Variants in KLHL3 observed in about 807,000 individuals in gnomAD.
KLHL3 encodes the protein kelch-like protein 3.
In KLHL3, 19 loss-of-function variants were observed where a neutral mutation model predicts 70.5. That is an observed-to-expected ratio of 0.27 (90% CI 0.19 to 0.40). The LOEUF is 0.40. Ranked by LOEUF, KLHL3 falls within the 10% of genes least tolerant of loss-of-function variation. The pLI is 1.00. For missense variants in KLHL3, 512 were observed against 771.1 expected (o/e 0.66, Z 3.98); for synonymous variants, 258 against 290.3 (o/e 0.89, Z 1.13).
At position 137,625,755 on chromosome 5, in the gene KLHL3, G is replaced by A; in HGVS notation, c.1733C>T (p.Ala578Val). The change falls in exon 14 of 15, where the codon GCA becomes GTA. Residue 578 changes from alanine to valine, a missense_variant and splice_region_variant. Coordinates refer to ENST00000309755, the MANE Select transcript of KLHL3 (RefSeq NM_017415.3). ...PTNMSTGRSY[A>V]GVAVIHKSL is the part of the protein sequence containing the mutation. Reference sequence around the variant, plus strand: ...GCATGGAGATGGCACACACTGACCTGCATAGCTCCGCCCCGTGCTCATGTT... The same window carrying A: ...GCATGGAGATGGCACACACTGACCTACATAGCTCCGCCCCGTGCTCATGTT... 6.2e-7 allele frequency: 1 copy of A among 1,614,134 alleles called. No homozygotes were observed. The highest frequency in any genetic ancestry group is 8.5e-7 in the Non-Finnish European group (1 of 1,180,010).
At chr5:137,632,079 C>A (rs1458304399) in intron 12 of KLHL3, among the ~76,000 whole-genome samples, 1 of 152,148 alleles carries the variant, frequency 6.6e-6, no homozygotes, top group African/African-American at 2.4e-5. Context: ...TGACCATATT[C>A]CCTGAAGGAA....
chr5:137,632,850 T>C (rs1469128470), intron 12 of KLHL3, among the ~76,000 whole-genome samples: 2 of 152,096 alleles, frequency 1.3e-5, no homozygotes, highest in Non-Finnish European at 2.9e-5. Flanking sequence ...GCAAAGGATA[T>C]ACATACAGAC....
At chr5:137,665,868 G>T (rs1426626948) in intron 6 of KLHL3, among the ~76,000 whole-genome samples, 1 of 152,110 alleles carries the variant, frequency 6.6e-6, no homozygotes, top group East Asian at 1.9e-4. Flanking sequence ...AGGGGAAAGG[G>T]GAAGGGAAAG....
intron 4 of KLHL3, among the ~76,000 whole-genome samples, chr5:137,694,683 A>C (rs1395385509): frequency 6.6e-6 from 1 of 152,224 alleles, no homozygotes; most frequent in Non-Finnish European, 1.5e-5. Context: ...ACTGGTGTCA[A>C]GGCCATAGGT....
In KLHL3 at chr5:137,617,650, T is replaced by C. The variant is rs1428833154; in HGVS notation, c.*4448A>G. ...GTTCTTTTACAAGATATACAGTCCC[T>C]AACAGCCACGCAGAGAACACCAGAT... On this transcript the variant is annotated 3_prime_UTR_variant, in exon 15 of 15. Coordinates refer to ENST00000309755, the MANE Select transcript of KLHL3 (RefSeq NM_017415.3). 6.6e-6 allele frequency: 1 copy of C among 152,202 alleles called. No homozygotes were observed. The highest frequency in any genetic ancestry group is 1.5e-5 in the Non-Finnish European group (1 of 68,048). The allele number at this position is 152,202 out of a possible 1,614,324, so 9.4% of individuals were successfully genotyped here. A position where few individuals can be genotyped will look rare whatever the true frequency, so the allele number is the denominator to read the frequency against.
chr5:137,687,342 C>T (rs1319177014), intron 5 of KLHL3, among the ~76,000 whole-genome samples: 11 of 34,994 alleles, frequency 3.1e-4, no homozygotes, highest in Admixed American at 1.0e-3. Flanking sequence ...TGAGGGGCGC[C>T]TCTGCCCAGC....
intron 3 of KLHL3, among the ~76,000 whole-genome samples, chr5:137,699,986 G>A (rs1198738860): frequency 2.6e-5 from 4 of 152,170 alleles, no homozygotes; most frequent in Admixed American, 6.5e-5. Flanking sequence ...GAAAAGTAGC[G>A]GGGGAGACAT....
intron 1 of KLHL3, among the ~76,000 whole-genome samples, chr5:137,733,798 A>G (rs1203473178): frequency 1.3e-5 from 2 of 152,230 alleles, no homozygotes; most frequent in Non-Finnish European, 2.9e-5. Flanking sequence ...CAGAATTCTC[A>G]GTAGGTATAT....
At chr5:137,629,298 G>A (rs1007313169) in intron 12 of KLHL3, 3 of 152,270 alleles carry the variant, frequency 2.0e-5, no homozygotes, top group African/African-American at 7.2e-5. Flanking sequence ...CTCACTGGGT[G>A]ACCCTTCCCC....
chr5:137,644,545 T>C (rs921683555), intron 8 of KLHL3, among the ~76,000 whole-genome samples: 2 of 152,226 alleles, frequency 1.3e-5, no homozygotes, highest in African/African-American at 2.4e-5. Context: ...CAGTATGGGA[T>C]TGCAGGGTCA....
chr5:137,653,821 T>C (rs1751269126), intron 8 of KLHL3, among the ~76,000 whole-genome samples: 1 of 152,236 alleles, frequency 6.6e-6, no homozygotes, highest in African/African-American at 2.4e-5. Flanking sequence ...GCAGCTTTAT[T>C]TGTAACAGCC....
intron 13 of KLHL3, among the ~76,000 whole-genome samples, chr5:137,627,195 G>A (rs1407377112): frequency 6.6e-6 from 1 of 152,132 alleles, no homozygotes; most frequent in Non-Finnish European, 1.5e-5. Flanking sequence ...ATATAAATAA[G>A]TTTAGTGTTG....
At chr5:137,646,156 T>C (rs926448028) in intron 8 of KLHL3, among the ~76,000 whole-genome samples, 7 of 152,124 alleles carry the variant, frequency 4.6e-5, no homozygotes, top group Non-Finnish European at 5.9e-5. Flanking sequence ...AAAAAAGATA[T>C]ATGAATGACC....
chr5:137,636,831 C>A (rs886414003), intron 11 of KLHL3, among the ~76,000 whole-genome samples: 2 of 152,208 alleles, frequency 1.3e-5, no homozygotes, highest in African/African-American at 4.8e-5. Flanking sequence ...GCCTGCCCTG[C>A]AGAGAGTCAT....
intron 6 of KLHL3, among the ~76,000 whole-genome samples, chr5:137,672,425 T>C (rs1010712959): frequency 3.3e-5 from 5 of 152,230 alleles, no homozygotes; most frequent in African/African-American, 1.2e-4. Context: ...GTCTCTAAAA[T>C]GCAGTTTAAG....
intron 4 of KLHL3, among the ~76,000 whole-genome samples, chr5:137,695,033 G>A (rs891271288): frequency 1.3e-5 from 2 of 151,978 alleles, no homozygotes; most frequent in African/African-American, 2.4e-5. Context: ...AACCCCATAC[G>A]CATATACAAG....
chr5:137,645,286 C>A (rs1445847147), intron 8 of KLHL3, among the ~76,000 whole-genome samples: 7 of 152,068 alleles, frequency 4.6e-5, no homozygotes, highest in Non-Finnish European at 1.0e-4. Flanking sequence ...CCACTTCTAT[C>A]CAACATAGTA....
rs186073283 is a variant in KLHL3 at position 137,733,236 on chromosome 5, C to T, written c.14+2397G>A. On this transcript the variant is annotated intron_variant, in intron 1 of 14. Coordinates refer to ENST00000309755, the MANE Select transcript of KLHL3 (RefSeq NM_017415.3). ...AACAAGGCTACTTCCCTCTGTTCTCCCCCTACCTCAAAGCATTCCTTGAAG... is the reference window on the plus strand; with the variant it reads ...AACAAGGCTACTTCCCTCTGTTCTCTCCCTACCTCAAAGCATTCCTTGAAG... Among the ~76,000 whole-genome samples, 5 of 152,266 alleles carry T rather than the reference C, an allele frequency of 3.3e-5. No homozygotes were observed. The East Asian group carries it at 9.6e-4, about 29-fold the overall frequency.
At chr5:137,728,409 A>C (rs1277189641) in intron 1 of KLHL3, among the ~76,000 whole-genome samples, 1 of 151,928 alleles carries the variant, frequency 6.6e-6, no homozygotes, top group Non-Finnish European at 1.5e-5. Flanking sequence ...AGCTTTCCTC[A>C]CTCCCCTTCA....
Sources: allele counts gnomAD v4.1 joint callset (sites outside exome capture counted in the v4.1 genomes callset), GRCh38; gene constraint gnomAD v4.1.1; transcripts MANE v1.5; gene names NCBI Gene and HGNC (gene_info 2026-07-23, HGNC 2026-07-21).